ARGLU1: variants seen among roughly 807,000 people sequenced by gnomAD.
The protein encoded by ARGLU1 is arginine and glutamate-rich protein 1.
A neutral mutation model predicts 37.6 loss-of-function variants in ARGLU1; 9 were observed. The ratio of observed to expected loss-of-function variants is 0.24; its 90% CI spans 0.14 to 0.42. The LOEUF (loss-of-function observed/expected upper bound fraction) is 0.42. ARGLU1 is among the 10% of genes least tolerant of loss of function. The probability of loss-of-function intolerance (pLI) is 1.00; values close to 1 mark genes in which losing one functional copy is unlikely to be tolerated. For missense variants in ARGLU1, 211 were observed against 359.2 expected (o/e 0.59, Z 3.34); for synonymous variants, 166 against 138.5 (o/e 1.20, Z -1.39).
intron 3 of ARGLU1, among the ~76,000 whole-genome samples, chr13:106,544,511 A>G (rs1299259446): frequency 1.3e-5 from 2 of 152,138 alleles, no homozygotes; most frequent in Non-Finnish European, 2.9e-5. Flanking sequence ...AAGCATTTAC[A>G]CATTTTGGAA....
In ARGLU1 at chr13:106,567,287, G is replaced by A. The variant is rs1880995400; in HGVS notation, c.347+286C>T. Reference sequence around the variant, plus strand: ...CTCCGAACTCCACCCCTACTTCCGGGACACCACTCCTCTCTCGCGCCAAAA... The same window carrying A: ...CTCCGAACTCCACCCCTACTTCCGGAACACCACTCCTCTCTCGCGCCAAAA... On this transcript the variant is annotated intron_variant, in intron 1 of 3. Transcript: ENST00000400198. The surrounding 1 kb of genome is among the most constrained non-coding windows in gnomAD (Gnocchi z 4.3). Among the ~76,000 whole-genome samples the A allele has an allele frequency of 6.7e-6, 1 of 149,974 alleles. No individual in the cohort carries two copies. The highest frequency in any genetic ancestry group is 2.5e-5 in the African/African-American group (1 of 40,490).
intron 1 of ARGLU1, among the ~76,000 whole-genome samples, chr13:106,562,126 T>C (rs1313576876): frequency 6.6e-6 from 1 of 152,328 alleles, no homozygotes; most frequent in East Asian, 1.9e-4. Context: ...AAATGAAGCT[T>C]TGCAACAGGC....
At chr13:106,547,309 G>A (rs1176912129) in intron 3 of ARGLU1, among the ~76,000 whole-genome samples, 3 of 152,104 alleles carry the variant, frequency 2.0e-5, no homozygotes, top group South Asian at 2.1e-4. Flanking sequence ...TTACATCTTC[G>A]TAATACTTTA....
chr13:106,555,529 A>G (rs995711558), intron 3 of ARGLU1, among the ~76,000 whole-genome samples: 2 of 152,198 alleles, frequency 1.3e-5, no homozygotes, highest in African/African-American at 4.8e-5. Context: ...TTTTACAGCA[A>G]TATGACCTCA....
intron 3 of ARGLU1, 113 bp from the exon 4 acceptor site, chr13:106,544,273 CA>C (rs1349956219): frequency 3.4e-5 from 29 of 859,612 alleles, no homozygotes; most frequent in Non-Finnish European, 4.6e-5. Flanking sequence ...AATGCAAATG[CA>C]AAAAAGGGGG....
intron 3 of ARGLU1, among the ~76,000 whole-genome samples, chr13:106,549,503 G>T (rs79243066): frequency 6.6e-6 from 1 of 152,100 alleles, no homozygotes; most frequent in African/African-American, 2.4e-5. Context: ...AGTAAACTAC[G>T]TCAGTAAATT....
At chr13:106,552,023 T>A (rs543889272) in intron 3 of ARGLU1, among the ~76,000 whole-genome samples, 1 of 152,198 alleles carries the variant, frequency 6.6e-6, no homozygotes, top group Non-Finnish European at 1.5e-5. Context: ...AGAATACAGA[T>A]TGTTTTTCAT....
intron 1 of ARGLU1, among the ~76,000 whole-genome samples, chr13:106,566,941 T>C (rs901884704): frequency 1.3e-5 from 2 of 152,142 alleles, no homozygotes; most frequent in Non-Finnish European, 2.9e-5. Context: ...CTATGCTTTT[T>C]TTTTTTAACA....
chr13:106,545,288 C>T lies in ARGLU1; in HGVS notation c.658-1128G>A, dbSNP rs1016775950. Among the ~76,000 whole-genome samples, 6 of 152,280 alleles carry T rather than the reference C, an allele frequency of 3.9e-5. No individual in the cohort carries two copies. The East Asian group carries it at 1.2e-3, about 29-fold the overall frequency. On this transcript the variant is annotated intron_variant, in intron 3 of 3. Coordinates refer to ENST00000400198, the MANE Select transcript of ARGLU1 (RefSeq NM_018011.4). ...TTTAATATCAGTTATCATGATTTAT[C>T]CTTTTTCCCCTCTATCTGACAGTGA...
intron 1 of ARGLU1, among the ~76,000 whole-genome samples, chr13:106,561,363 T>A (rs1457965025): frequency 6.6e-6 from 1 of 151,582 alleles, no homozygotes; most frequent in Non-Finnish European, 1.5e-5. Context: ...GGATAATGAG[T>A]ACCCAAGAAT....
chr13:106,561,686 T>C (rs1457513812), intron 1 of ARGLU1: 2 of 152,114 alleles, frequency 1.3e-5, no homozygotes, highest in Non-Finnish European at 2.9e-5. Flanking sequence ...TCTTAAGAAT[T>C]TGGTGAAGGC....
In ARGLU1 at chr13:106,557,454, A is replaced by T; in HGVS notation, c.574-323T>A. ...ATAGTATTTACCAAATTAAAAAAATAATATATAAAATATAAATAAAGTGAA... is the reference window on the plus strand; with the variant it reads ...ATAGTATTTACCAAATTAAAAAAATTATATATAAAATATAAATAAAGTGAA... On this transcript the variant is annotated intron_variant, in intron 2 of 3. Transcript: ENST00000400198. This position sits in a 1 kb window ranked among gnomAD's most constrained non-coding sequence, Gnocchi z 5.0. 1.1e-6 allele frequency: 1 copy of T among 885,586 alleles called. No homozygotes were observed. Among genetic ancestry groups the T allele is most frequent in the Non-Finnish European group, 1.5e-6 (1 of 649,748 alleles). 54.9% of individuals were successfully genotyped at this position (885,586 alleles called of 1,614,324 possible). A position where few individuals can be genotyped will look rare whatever the true frequency, so the allele number is the denominator to read the frequency against.
chr13:106,560,830 A>G (rs1880781593), intron 1 of ARGLU1, among the ~76,000 whole-genome samples: 1 of 152,192 alleles, frequency 6.6e-6, no homozygotes, highest in South Asian at 2.1e-4. Flanking sequence ...ACATCCATAT[A>G]TATGAGAATC....
chr13:106,544,228 G>A (rs1880334320), intron 3 of ARGLU1, 68 bp from the exon 4 acceptor site: 4 of 1,369,682 alleles, frequency 2.9e-6, no homozygotes, highest in Non-Finnish European at 2.9e-6. Flanking sequence ...CCCTGCAACA[G>A]GTGTTATCTA....
At chr13:106,555,906 T>C (rs1880650531) in intron 3 of ARGLU1, among the ~76,000 whole-genome samples, 1 of 152,170 alleles carries the variant, frequency 6.6e-6, no homozygotes, top group South Asian at 2.1e-4. Flanking sequence ...GTAATTTTGC[T>C]TCAGTGATTT....
intron 3 of ARGLU1, among the ~76,000 whole-genome samples, chr13:106,548,253 G>C (rs1353641647): frequency 6.6e-6 from 1 of 152,076 alleles, no homozygotes; most frequent in Non-Finnish European, 1.5e-5. Flanking sequence ...ATAAAAGCTG[G>C]TTTCCTGTTC....
chr13:106,559,969 T>C (rs936008434), intron 1 of ARGLU1, among the ~76,000 whole-genome samples: 3 of 152,346 alleles, frequency 2.0e-5, no homozygotes, highest in African/African-American at 7.2e-5. Context: ...TATTCTGTTA[T>C]TGACTTTATA....
At chr13:106,560,099 T>C (rs1880758083) in intron 1 of ARGLU1, among the ~76,000 whole-genome samples, 1 of 152,184 alleles carries the variant, frequency 6.6e-6, no homozygotes, top group Non-Finnish European at 1.5e-5. Context: ...TGAATTGATT[T>C]CCCGCTAAGC....
rs1881021104 is a variant in ARGLU1, at chr13:106,567,876, G to A, written c.44C>T (p.Thr15Ile). The A allele has an allele frequency of 3.7e-6, 6 of 1,612,378 alleles. No homozygotes were observed. Among genetic ancestry groups the A allele is most frequent in the Non-Finnish European group, 5.1e-6 (6 of 1,179,828 alleles). The stretch of plus-strand genomic sequence containing the variant: ...CTTCTTGTTGTGCTTGCTGCTCTTG[G>A]TGTGCTTGGAGCGGGACGAGCTCCG... ...RSRSSSRSKH[T>I]KSSKHNKKRS... The change falls in exon 1 of 4, where the codon ACC (threonine) becomes ATC (isoleucine). Residue 15 changes from threonine (T) to isoleucine (I), a missense_variant. Physicochemically the swap from Thr to Ile is moderately conservative, Grantham distance 89. Around this residue, in one of 3 missense-constraint regions of ARGLU1, gnomAD observed 130 missense variants for 179.8 expected, o/e 0.72. Coordinates refer to ENST00000400198, the MANE Select transcript of ARGLU1 (RefSeq NM_018011.4). The surrounding 1 kb of genome is among the most constrained non-coding windows in gnomAD (Gnocchi z 4.3).
Sources: allele counts gnomAD v4.1 joint callset (sites outside exome capture counted in the v4.1 genomes callset), GRCh38; gene constraint gnomAD v4.1.1; regional missense constraint gnomAD v4.1.1; non-coding constraint Gnocchi (gnomAD v3.1); transcripts MANE v1.5; gene names NCBI Gene and HGNC (gene_info 2026-07-23, HGNC 2026-07-21).